Variants in GIGYF2 observed in about 807,000 individuals in gnomAD.
GIGYF2 encodes the protein GRB10-interacting GYF protein 2.
In GIGYF2, 25 loss-of-function variants were observed where a neutral mutation model predicts 208.1. The observed-to-expected ratio is 0.12, with a 90% CI of 0.09 to 0.17. The LOEUF (loss-of-function observed/expected upper bound fraction) is 0.17, where lower values mean the gene tolerates loss of function less well. Among genes scored for constraint, GIGYF2 ranks in the 10% least tolerant of loss-of-function variants. The pLI is 1.00. For missense variants in GIGYF2, 1,302 were observed against 1,579.4 expected, an observed-to-expected ratio of 0.82 and a Z score of 2.98; for synonymous variants, 534 against 543.8, an observed-to-expected ratio of 0.98 and a Z score of 0.25.
intron 2 of GIGYF2, among the ~76,000 whole-genome samples, chr2:232,710,674 A>G (rs1039950822): frequency 2.0e-5 from 3 of 148,670 alleles, no homozygotes; most frequent in Admixed American, 6.7e-5. Context: ...TAAGTGTCAC[A>G]TTTTGGATCT....
rs574223456 is a variant in GIGYF2, at chr2:232,850,847, T to C, written c.3832+438T>C. ...ATGTTCATAATCACTCTATGTATCA[T>C]ATAATTCTCAGAATTACTTTGCATT... On this transcript the variant is annotated intron_variant, in intron 28 of 28. Coordinates refer to ENST00000373563, the MANE Select transcript of GIGYF2 (RefSeq NM_001103146.3). Among the ~76,000 whole-genome samples, 45 of 152,354 alleles carry C rather than the reference T, an allele frequency of 3.0e-4. 1 individual carries two copies. In the South Asian group the frequency reaches 9.1e-3, roughly 31 times the overall value.
At chr2:232,752,939 A>G in intron 5 of GIGYF2, among the ~76,000 whole-genome samples, 1 of 151,982 alleles carries the variant, frequency 6.6e-6, no homozygotes, top group East Asian at 1.9e-4. Flanking sequence ...TCTGCCACTT[A>G]TTACTCTTCC....
In GIGYF2 at chr2:232,847,575, T is replaced by C. The variant is rs1157829310; in HGVS notation, c.3684+4T>C. On this transcript the variant is annotated splice_donor_region_variant and intron_variant, in intron 27 of 28. Coordinates refer to ENST00000373563, the MANE Select transcript of GIGYF2 (RefSeq NM_001103146.3). ...GCCACAGCAGCCACAACAGCAGGTATAAAGTAGTGTGGTGTATGCGGTACC... is the reference window on the plus strand; with the variant it reads ...GCCACAGCAGCCACAACAGCAGGTACAAAGTAGTGTGGTGTATGCGGTACC... The C allele has an allele frequency of 6.2e-7, 1 of 1,612,230 alleles. No individual in the cohort carries two copies. The highest frequency in any genetic ancestry group is 1.3e-5 in the African/African-American group (1 of 74,828).
rs1333668602 is a variant in GIGYF2, at chr2:232,702,439, CAA to C, written c.-109-979_-109-978del. 6.7e-5 allele frequency among the ~76,000 whole-genome samples: 10 copies of C among 149,526 alleles called. No individual in the cohort carries two copies. In the East Asian group the frequency reaches 2.0e-3, roughly 29 times the overall value. On this transcript the variant is annotated intron_variant, in intron 1 of 28. Coordinates refer to ENST00000373563, the MANE Select transcript of GIGYF2 (RefSeq NM_001103146.3). Reference sequence around the variant, plus strand: ...GGGCAACAGAACGAGACTCTGTCTCCAAAAAAAGAAAAAAAACTCTATCTGTC... The same window carrying C: ...GGGCAACAGAACGAGACTCTGTCTCCAAAAAGAAAAAAAACTCTATCTGTC...
Position 232,791,098 on chromosome 2 carries a change from C to T in GIGYF2, c.1021C>T (p.His341Tyr). Residue 341 changes from histidine to tyrosine, a missense_variant, in exon 11 of 29, where the codon CAT becomes TAT. His to Tyr is a moderately conservative substitution (Grantham distance 83). Coordinates refer to ENST00000373563, the MANE Select transcript of GIGYF2 (RefSeq NM_001103146.3). ...GEECSDSEGS[H>Y]NEEAKEPDKT... ...GGAGTGCTCTGACTCTGAGGGTAGC[C>T]ATAATGAAGAGGCCAAAGAACCCGA... The T allele has an allele frequency of 6.2e-7, 1 of 1,613,906 alleles. No individual in the cohort carries two copies. The highest frequency in any genetic ancestry group is 8.5e-7 in the Non-Finnish European group (1 of 1,179,914).
chr2:232,707,326 A>G (rs1197586611), intron 2 of GIGYF2, among the ~76,000 whole-genome samples: 1 of 152,182 alleles, frequency 6.6e-6, no homozygotes, highest in African/African-American at 2.4e-5. Context: ...CTGACAAGGA[A>G]TTGGCAGAAG....
chr2:232,848,689 A>T (rs1302518521), intron 27 of GIGYF2, among the ~76,000 whole-genome samples: 1 of 152,144 alleles, frequency 6.6e-6, no homozygotes, highest in African/African-American at 2.4e-5. Context: ...TTTGGAAAAC[A>T]TGGCACTAAA....
intron 5 of GIGYF2, among the ~76,000 whole-genome samples, chr2:232,752,867 A>G (rs1011079661): frequency 2.6e-5 from 4 of 151,932 alleles, no homozygotes; most frequent in Non-Finnish European, 5.9e-5. Context: ...TAATACTTGT[A>G]TATATACCTA....
At chr2:232,729,129 C>T (rs1047782460) in intron 2 of GIGYF2, among the ~76,000 whole-genome samples, 17 of 152,102 alleles carry the variant, frequency 1.1e-4, no homozygotes, top group African/African-American at 3.9e-4. Flanking sequence ...CAGGAGCATA[C>T]CACCACGCGT....
At chr2:232,788,237 CATT>C (rs1559432470) in intron 9 of GIGYF2, 1 of 156,260 alleles carries the variant, frequency 6.4e-6, no homozygotes, top group African/African-American at 2.4e-5. Flanking sequence ...TCTGGGTAGA[CATT>C]ATAACAGGCA....
chr2:232,730,656 T>C (rs1337359681), intron 2 of GIGYF2, among the ~76,000 whole-genome samples: 1 of 146,630 alleles, frequency 6.8e-6, no homozygotes, highest in African/African-American at 2.5e-5. Context: ...CCCAGCACTT[T>C]GGGAGGCCGA....
chr2:232,786,844 T>C (rs547657311), intron 8 of GIGYF2, among the ~76,000 whole-genome samples: 29 of 152,246 alleles, frequency 1.9e-4, no homozygotes, highest in Admixed American at 1.8e-3. Context: ...AGAAACTTGG[T>C]GATGGTTCCT....
At chr2:232,754,886 T>TAA (rs1168684161) in intron 5 of GIGYF2, among the ~76,000 whole-genome samples, 2 of 142,984 alleles carry the variant, frequency 1.4e-5, no homozygotes, top group African/African-American at 2.6e-5. Context: ...ACCTATAAAG[T>TAA]AAAAAAAAAA....
intron 2 of GIGYF2, chr2:232,734,469 A>G (rs1413940236): frequency 6.6e-6 from 1 of 152,190 alleles, no homozygotes; most frequent in East Asian, 1.9e-4. Flanking sequence ...TTGGCCTCCC[A>G]AAGCGCTGGA....
At chr2:232,703,292 C>T (rs1695939276) in intron 1 of GIGYF2, 132 bp from the exon 2 acceptor site, 2 of 152,586 alleles carry the variant, frequency 1.3e-5, no homozygotes, top group Admixed American at 6.5e-5. Context: ...TATAAATACA[C>T]CAGGTGATCT....
At chr2:232,815,807 C>A in intron 19 of GIGYF2, 70 bp downstream of exon 19, 1 of 811,176 alleles carries the variant, frequency 1.2e-6, no homozygotes, top group South Asian at 1.4e-5. Flanking sequence ...GCTGTTTATT[C>A]ATCTCTCTAG....
intron 8 of GIGYF2, among the ~76,000 whole-genome samples, chr2:232,774,579 T>G (rs539962098): frequency 7.2e-5 from 11 of 152,274 alleles, no homozygotes; most frequent in African/African-American, 2.4e-4. Context: ...AATAAAAGAT[T>G]TTGACACATG....
intron 3 of GIGYF2, 72 bp downstream of exon 3, chr2:232,735,310 AG>A: frequency 9.2e-7 from 1 of 1,089,670 alleles, no homozygotes; most frequent in Non-Finnish European, 1.4e-6. Flanking sequence ...GACAGGTGCT[AG>A]GTGGTTTATA....
At chr2:232,821,161 TTTGA>T (rs1434352172) in intron 21 of GIGYF2, among the ~76,000 whole-genome samples, 1 of 152,156 alleles carries the variant, frequency 6.6e-6, no homozygotes, top group East Asian at 1.9e-4. Flanking sequence ...AATTTTTCAC[TTTGA>T]CAATGTCCAA....
Sources: gnomAD v4.1 joint callset for allele counts (sites outside exome capture counted in the v4.1 genomes callset) on GRCh38, gnomAD v4.1.1 for gene constraint, MANE v1.5 for transcripts, NCBI Gene and HGNC (gene_info 2026-07-23, HGNC 2026-07-21) for gene names.